The following PM20D2 variants were observed in gnomAD, a reference collection of about 807,000 sequenced individuals.
PM20D2 encodes peptidase M20 domain containing 2, also known as xaa-Arg dipeptidase.
In PM20D2, 33 loss-of-function variants were observed where a neutral mutation model predicts 42.9. The observed-to-expected ratio is 0.77, with a 90% confidence interval of 0.58 to 1.03. PM20D2 has a LOEUF of 1.03. PM20D2 is among the 50% of genes least tolerant of loss of function. The pLI is 0.00. For missense variants in PM20D2, 548 were observed against 557.0 expected (o/e 0.98, Z 0.16); for synonymous variants, 250 against 228.2 (o/e 1.10, Z -0.86).
the PM20D2 span, chr6:89,107,099 T>C: frequency 7.1e-7 from 1 of 1,408,566 alleles, no homozygotes; most frequent in African/African-American, 1.4e-5. Context: ...AATACATATA[T>C]GTATAAGCAC....
the PM20D2 span, among the ~76,000 whole-genome samples, chr6:89,119,498 G>A: frequency 6.6e-6 from 1 of 152,210 alleles, no homozygotes; most frequent in South Asian, 2.1e-4. Context: ...GTTGGAAAAT[G>A]AGGCTGGAGA....
chr6:89,117,034 T>C, the PM20D2 span, among the ~76,000 whole-genome samples: 2 of 151,398 alleles, frequency 1.3e-5, no homozygotes, highest in African/African-American at 2.4e-5. Context: ...CCGTTCCCTC[T>C]CCCCCCGCCC....
At chr6:89,094,767 A>G in the PM20D2 span, among the ~76,000 whole-genome samples, 2 of 148,414 alleles carry the variant, frequency 1.3e-5, no homozygotes, top group African/African-American at 5.0e-5. Context: ...GGTACTCGGC[A>G]TTCTGCTACG....
At chr6:89,135,134 G>A in the PM20D2 span, among the ~76,000 whole-genome samples, 50 of 151,056 alleles carry the variant, frequency 3.3e-4, no homozygotes, top group Non-Finnish European at 6.6e-4. Context: ...GATAAGAAGA[G>A]AAAATGGTCA....
the PM20D2 span, among the ~76,000 whole-genome samples, chr6:89,130,260 T>C: frequency 1.3e-5 from 2 of 152,002 alleles, no homozygotes; most frequent in East Asian, 1.9e-4. Flanking sequence ...TTTTATGTTA[T>C]ATTTTATTTT....
the PM20D2 span, among the ~76,000 whole-genome samples, chr6:89,114,501 T>C: frequency 3.9e-5 from 6 of 152,222 alleles, no homozygotes; most frequent in African/African-American, 1.4e-4. Flanking sequence ...ATGTAATGTT[T>C]TTAGTATGGC....
At chr6:89,150,862 A>G (rs1409823630) in intron 2 of PM20D2, among the ~76,000 whole-genome samples, 1 of 151,200 alleles carries the variant, frequency 6.6e-6, no homozygotes, top group Non-Finnish European at 1.5e-5. Flanking sequence ...CTTTTAAGAT[A>G]GAAAAGAGAG....
the PM20D2 span, among the ~76,000 whole-genome samples, chr6:89,140,971 T>C: frequency 1.3e-5 from 2 of 152,206 alleles, no homozygotes; most frequent in Non-Finnish European, 2.9e-5. Context: ...TCAGGGTTGT[T>C]TCCTCAGCTT....
the PM20D2 span, among the ~76,000 whole-genome samples, chr6:89,128,951 C>T: frequency 1.3e-5 from 2 of 152,116 alleles, no homozygotes; most frequent in African/African-American, 4.8e-5. Flanking sequence ...TAAAAAAGCA[C>T]ATTAATACCA....
chr6:89,104,439 T>C, the PM20D2 span, among the ~76,000 whole-genome samples: 6 of 152,000 alleles, frequency 3.9e-5, no homozygotes, highest in East Asian at 3.9e-4. Context: ...GGTTTCATCA[T>C]GTTGGTCAGT....
At chr6:89,100,273 A>C in the PM20D2 span, among the ~76,000 whole-genome samples, 1 of 152,246 alleles carries the variant, frequency 6.6e-6, no homozygotes, top group Non-Finnish European at 1.5e-5. Context: ...GAGAGATTAG[A>C]GTTCAAACTC....
chr6:89,146,092 C>G lies in PM20D2; in HGVS notation c.-53C>G. ...GGGCGCGTGCGCGGGCGGTCGCTAC[C>G]TGCGGCCGAGCCAGGGAGCGAGAGG... On this transcript the variant is annotated 5_prime_UTR_variant, in exon 1 of 7. Transcript: ENST00000275072. 5 of 1,360,624 alleles carry G rather than the reference C, an allele frequency of 3.7e-6. No homozygotes were observed. Among genetic ancestry groups the G allele is most frequent in the South Asian group, 1.8e-5 (1 of 56,372 alleles). The allele number at this position is 1,360,624 out of a possible 1,614,324, so 84.3% of individuals were successfully genotyped here.
intron 3 of PM20D2, among the ~76,000 whole-genome samples, chr6:89,153,917 T>C (rs1770944514): frequency 6.6e-6 from 1 of 152,124 alleles, no homozygotes; most frequent in Non-Finnish European, 1.5e-5. Flanking sequence ...TAGTGTCTTT[T>C]AAAATTATAT....
At chr6:89,138,728 A>G in the PM20D2 span, among the ~76,000 whole-genome samples, 1 of 152,094 alleles carries the variant, frequency 6.6e-6, no homozygotes, top group Admixed American at 6.6e-5. Context: ...AGATGGGTGT[A>G]GTGGTGCACT....
At chr6:89,127,040 TA>T in the PM20D2 span, among the ~76,000 whole-genome samples, 1 of 152,180 alleles carries the variant, frequency 6.6e-6, no homozygotes, top group Non-Finnish European at 1.5e-5. Context: ...ATAATTATAC[TA>T]AAAAACAACC....
At chr6:89,135,048 A>G in the PM20D2 span, among the ~76,000 whole-genome samples, 3 of 150,918 alleles carry the variant, frequency 2.0e-5, no homozygotes, top group Non-Finnish European at 4.4e-5. Context: ...GGTAGTGAAC[A>G]CCTGCAGGAG....
chr6:89,099,448 A>G, the PM20D2 span, among the ~76,000 whole-genome samples: 1 of 144,378 alleles, frequency 6.9e-6, no homozygotes, highest in African/African-American at 2.6e-5. Context: ...ATACACATAT[A>G]TATGTGTGTA....
the PM20D2 span, among the ~76,000 whole-genome samples, chr6:89,125,364 C>G: frequency 6.6e-6 from 1 of 152,046 alleles, no homozygotes; most frequent in African/African-American, 2.4e-5. Context: ...CCTGTAGTCC[C>G]AGCTACTCAG....
chr6:89,131,433 A>T, the PM20D2 span, among the ~76,000 whole-genome samples: 1 of 128,198 alleles, frequency 7.8e-6, no homozygotes, highest in Non-Finnish European at 1.7e-5. Context: ...CACACCTGTA[A>T]TCTCAGCACT....
Sources: allele counts gnomAD v4.1 joint callset (sites outside exome capture counted in the v4.1 genomes callset), GRCh38; gene constraint gnomAD v4.1.1; transcripts MANE v1.5; gene names NCBI Gene and HGNC (gene_info 2026-07-23, HGNC 2026-07-21).